MAGI3: variants seen among roughly 807,000 people sequenced by gnomAD.
The protein encoded by MAGI3 is membrane-associated guanylate kinase, WW and PDZ domain-containing protein 3.
MAGI3 carries 43 observed loss-of-function variants against 121.8 expected under a neutral mutation model. The observed-to-expected ratio is 0.35, with a 90% CI of 0.28 to 0.46. The LOEUF (loss-of-function observed/expected upper bound fraction) is 0.46, where lower values mean the gene tolerates loss of function less well. Among genes scored for constraint, MAGI3 ranks in the 20% least tolerant of loss-of-function variants. The pLI, the probability that MAGI3 is intolerant of heterozygous loss-of-function variation, is 1.00. For synonymous variants in MAGI3, 553 were observed against 639.3 expected (o/e 0.86, Z 2.04); for missense variants, 1,547 against 1,797.3 (o/e 0.86, Z 2.52).
Position 113,651,014 on chromosome 1 carries a change from A to C in MAGI3, c.2248A>C (p.Ile750Leu). The change falls in exon 14 of 21, where the codon ATA (isoleucine) becomes CTA (leucine). Residue 750 changes from isoleucine (I) to leucine (L), a missense_variant and splice_region_variant. Transcript: ENST00000307546. ...AAACTGTACTTTGTTATCTTATCAG[A>C]TATATATTGGGGCTATTATTCCCCT... The part of the protein sequence containing the change: ...VLGGDGPDQS[I>L]YIGAIIPLGA... 6.2e-7 allele frequency: 1 copy of C among 1,613,264 alleles called. No homozygotes were observed. The highest frequency in any genetic ancestry group is 2.2e-5 in the East Asian group (1 of 44,862).
At chr1:113,675,506 G>C (rs958771334) in intron 19 of MAGI3, among the ~76,000 whole-genome samples, 6 of 152,208 alleles carry the variant, frequency 3.9e-5, no homozygotes, top group Non-Finnish European at 7.4e-5. Flanking sequence ...ACAGCTAGTA[G>C]AGCAGGTGTA....
chr1:113,642,003 T>C lies in MAGI3; in HGVS notation c.1453T>C (p.Tyr485His). ...GTTTCAATTGGTACCTGTCAATCAG[T>C]ATGTAAACCTCACTTTATGTCGTGG... Reference protein sequence around the residue: ...QMFQLVPVNQYVNLTLCRGYP... With the variant: ...QMFQLVPVNQHVNLTLCRGYP... Residue 485 changes from tyrosine (Y) to histidine (H), a missense_variant, in exon 10 of 21, where the codon TAT (tyrosine) becomes CAT (histidine). Coordinates refer to ENST00000307546, the MANE Select transcript of MAGI3 (RefSeq NM_001142782.2). 1.2e-6 allele frequency: 2 copies of C among 1,614,204 alleles called. No homozygotes were observed. Among genetic ancestry groups the C allele is most frequent in the Non-Finnish European group, 1.7e-6 (2 of 1,180,046 alleles).
chr1:113,520,431 T>TTTA (rs1302131129), intron 1 of MAGI3, among the ~76,000 whole-genome samples: 1 of 152,140 alleles, frequency 6.6e-6, no homozygotes, highest in Non-Finnish European at 1.5e-5. Context: ...TAAATATATG[T>TTTA]TTATAGATTA....
intron 1 of MAGI3, among the ~76,000 whole-genome samples, chr1:113,514,639 G>T (rs1468869601): frequency 6.6e-6 from 1 of 152,062 alleles, no homozygotes; most frequent in African/African-American, 2.4e-5. Flanking sequence ...GTGTGGGGGA[G>T]GGGGAGGGAT....
intron 1 of MAGI3, among the ~76,000 whole-genome samples, chr1:113,536,425 G>T (rs1202943686): frequency 6.6e-6 from 1 of 152,064 alleles, no homozygotes; most frequent in Non-Finnish European, 1.5e-5. Context: ...TGCTGTCTCA[G>T]TTCCAAGTAC....
intron 16 of MAGI3, among the ~76,000 whole-genome samples, chr1:113,667,999 G>T (rs1249269790): frequency 2.6e-5 from 4 of 152,138 alleles, no homozygotes; most frequent in African/African-American, 9.7e-5. Flanking sequence ...ACTTGAAATT[G>T]ACATACCCAG....
chr1:113,572,306 T>C (rs928291336), intron 2 of MAGI3, among the ~76,000 whole-genome samples: 4 of 152,222 alleles, frequency 2.6e-5, no homozygotes, highest in Non-Finnish European at 5.9e-5. Context: ...CAGTATTTTA[T>C]TGAGGTTTTT....
chr1:113,514,213 G>A (rs1374396827), intron 1 of MAGI3, among the ~76,000 whole-genome samples: 2 of 152,198 alleles, frequency 1.3e-5, no homozygotes, highest in African/African-American at 4.8e-5. Context: ...GGAAGTCAGT[G>A]TGGCGGTTCC....
At chr1:113,680,370 T>TA (rs1197597751) in intron 19 of MAGI3, among the ~76,000 whole-genome samples, 3 of 152,208 alleles carry the variant, frequency 2.0e-5, no homozygotes, top group Non-Finnish European at 4.4e-5. Flanking sequence ...CGAGAGTTGA[T>TA]AAGAGGACAG....
intron 1 of MAGI3, among the ~76,000 whole-genome samples, chr1:113,461,614 A>G (rs113326280): frequency 7.9e-5 from 12 of 152,122 alleles, no homozygotes; most frequent in Admixed American, 6.5e-5. Flanking sequence ...TCAAAACTAT[A>G]AAAACCCTGG....
chr1:113,635,542 A>G (rs962633048), intron 9 of MAGI3, among the ~76,000 whole-genome samples: 6 of 152,120 alleles, frequency 3.9e-5, no homozygotes, highest in Non-Finnish European at 7.3e-5. Flanking sequence ...TGATTTGCGT[A>G]TATTGAACCA....
chr1:113,568,007 GACA>G (rs1660503211), intron 2 of MAGI3, among the ~76,000 whole-genome samples: 1 of 152,018 alleles, frequency 6.6e-6, no homozygotes, highest in Admixed American at 6.6e-5. Flanking sequence ...AAAGAAGCCA[GACA>G]ACTACTGGAA....
At chr1:113,540,949 G>A (rs1240263805) in intron 1 of MAGI3, among the ~76,000 whole-genome samples, 1 of 152,124 alleles carries the variant, frequency 6.6e-6, no homozygotes, top group East Asian at 1.9e-4. Context: ...TAGACTTTTA[G>A]AATATATATT....
chr1:113,673,557 C>T, intron 19 of MAGI3, 92 bp downstream of exon 19: 3 of 1,334,282 alleles, frequency 2.2e-6, no homozygotes, highest in South Asian at 1.4e-5. Flanking sequence ...AATGCAGGAA[C>T]CTCCTAAATC....
chr1:113,495,539 G>A (rs1209293757), intron 1 of MAGI3, among the ~76,000 whole-genome samples: 1 of 151,962 alleles, frequency 6.6e-6, no homozygotes, highest in Non-Finnish European at 1.5e-5. Flanking sequence ...AGTCCCCAAA[G>A]TCCATTGTAC....
At chr1:113,468,508 G>A (rs1037230625) in intron 1 of MAGI3, among the ~76,000 whole-genome samples, 7 of 152,122 alleles carry the variant, frequency 4.6e-5, no homozygotes, top group East Asian at 1.9e-4. Context: ...GTAGCCACAC[G>A]TGATGAGTGG....
At chr1:113,601,108 A>G (rs1649347732) in intron 6 of MAGI3, among the ~76,000 whole-genome samples, 1 of 152,128 alleles carries the variant, frequency 6.6e-6, no homozygotes, top group African/African-American at 2.4e-5. Context: ...ACCTAAAACC[A>G]TAAAAACCCT....
chr1:113,520,257 T>G (rs910641098), intron 1 of MAGI3, among the ~76,000 whole-genome samples: 1 of 152,032 alleles, frequency 6.6e-6, no homozygotes, highest in African/African-American at 2.4e-5. Flanking sequence ...TTTTTTTTTT[T>G]AGTTCTTCCT....
chr1:113,518,192 G>T (rs911554407), intron 1 of MAGI3, among the ~76,000 whole-genome samples: 5 of 151,984 alleles, frequency 3.3e-5, no homozygotes, highest in African/African-American at 1.2e-4. Context: ...CTGTTCCCAT[G>T]GTGGTTCATT....
Sources: allele counts gnomAD v4.1 joint callset (sites outside exome capture counted in the v4.1 genomes callset), GRCh38; gene constraint gnomAD v4.1.1; transcripts MANE v1.5; gene names NCBI Gene and HGNC (gene_info 2026-07-23, HGNC 2026-07-21).